SETBP1: variants seen among roughly 807,000 people sequenced by gnomAD.
SETBP1 encodes the protein SET-binding protein.
A neutral mutation model predicts 101.0 loss-of-function variants in SETBP1; 9 were observed. That is an observed-to-expected ratio of 0.09 (90% CI 0.05 to 0.16). The LOEUF (loss-of-function observed/expected upper bound fraction) is 0.16. Among genes scored for constraint, SETBP1 ranks in the 10% least tolerant of loss-of-function variants. The pLI is 1.00. For synonymous variants in SETBP1, 818 were observed against 788.5 expected (o/e 1.04, Z -0.63); for missense variants, 1,858 against 2,033.8 (o/e 0.91, Z 1.66).
At chr18:44,768,879 A>C (rs2047438114) in intron 2 of SETBP1, among the ~76,000 whole-genome samples, 1 of 152,220 alleles carries the variant, frequency 6.6e-6, no homozygotes, top group African/African-American at 2.4e-5. Context: ...GTATACCCAC[A>C]GTGGGTGATA....
intron 4 of SETBP1, among the ~76,000 whole-genome samples, chr18:44,955,560 A>C (rs544531007): frequency 2.4e-4 from 37 of 152,292 alleles, no homozygotes; most frequent in African/African-American, 8.9e-4. Flanking sequence ...CCCTTTGTGC[A>C]ATGTTATTAG....
chr18:44,941,650 G>T (rs1255618394), intron 3 of SETBP1, among the ~76,000 whole-genome samples: 2 of 151,628 alleles, frequency 1.3e-5, no homozygotes, highest in African/African-American at 4.8e-5. Context: ...ATTAATTCTT[G>T]TTATTATTTT....
chr18:44,979,850 T>A (rs2072072280), intron 4 of SETBP1, among the ~76,000 whole-genome samples: 1 of 152,236 alleles, frequency 6.6e-6, no homozygotes, highest in Non-Finnish European at 1.5e-5. Context: ...CATGTGACTG[T>A]CTTGGTTCTT....
chr18:44,880,625 G>A (rs967562449), intron 3 of SETBP1, among the ~76,000 whole-genome samples: 1 of 152,186 alleles, frequency 6.6e-6, no homozygotes, highest in Non-Finnish European at 1.5e-5. Context: ...GGCATCTGGG[G>A]AGGCCTCAGG....
At chr18:45,033,830 A>C (rs1424552497) in intron 4 of SETBP1, among the ~76,000 whole-genome samples, 1 of 152,228 alleles carries the variant, frequency 6.6e-6, no homozygotes, top group East Asian at 1.9e-4. Flanking sequence ...GAATCAGAGA[A>C]TCTAGATCAT....
intron 4 of SETBP1, among the ~76,000 whole-genome samples, chr18:44,978,196 G>C (rs565460964): frequency 6.6e-6 from 1 of 152,266 alleles, no homozygotes; most frequent in African/African-American, 2.4e-5. Context: ...TAAAACACTA[G>C]GACAGGCCCA....
intron 2 of SETBP1, among the ~76,000 whole-genome samples, chr18:44,781,642 T>C (rs1179824274): frequency 6.6e-6 from 1 of 152,046 alleles, no homozygotes; most frequent in Non-Finnish European, 1.5e-5. Context: ...AATGAAGAAA[T>C]GTGTAATCCC....
intron 3 of SETBP1, among the ~76,000 whole-genome samples, chr18:44,875,813 C>A (rs1010607094): frequency 6.6e-6 from 1 of 152,182 alleles, no homozygotes; most frequent in Admixed American, 6.5e-5. Flanking sequence ...GTTAAGGTCA[C>A]CAAGCCCATA....
intron 2 of SETBP1, among the ~76,000 whole-genome samples, chr18:44,731,380 A>C (rs987851182): frequency 2.6e-5 from 4 of 152,156 alleles, no homozygotes; most frequent in Non-Finnish European, 5.9e-5. Context: ...AACTGACAGA[A>C]AACAGGGTCC....
intron 2 of SETBP1, among the ~76,000 whole-genome samples, chr18:44,816,869 G>T (rs2071990063): frequency 6.6e-6 from 1 of 152,134 alleles, no homozygotes; most frequent in South Asian, 2.1e-4. Flanking sequence ...GCCTTTTCCT[G>T]ACCCAGGATA....
At chr18:44,680,273 G>A (rs1296039366), upstream of SETBP1, 1 of 149,418 alleles carries the variant, frequency 6.7e-6, no homozygotes, top group East Asian at 2.0e-4. Flanking sequence ...GCGGCTCGCC[G>A]TTTGACAGAT....
At chr18:44,981,255 ATC>A (rs1290859001) in intron 4 of SETBP1, among the ~76,000 whole-genome samples, 1 of 152,154 alleles carries the variant, frequency 6.6e-6, no homozygotes, top group Non-Finnish European at 1.5e-5. Flanking sequence ...TCTCACCGTA[ATC>A]TCTCAGGTTC....
chr18:44,777,001 T>C (rs533890660), intron 2 of SETBP1, among the ~76,000 whole-genome samples: 2 of 152,232 alleles, frequency 1.3e-5, no homozygotes, highest in South Asian at 4.1e-4. Context: ...AGAGATGCTT[T>C]AGAGGCCAAA....
At chr18:44,759,048 A>G (rs769656061) in intron 2 of SETBP1, among the ~76,000 whole-genome samples, 8 of 152,170 alleles carry the variant, frequency 5.3e-5, no homozygotes, top group Non-Finnish European at 1.0e-4. Flanking sequence ...GAAAATCTAA[A>G]TGTGGGCTCT....
At chr18:45,010,399 A>G (rs2072814423) in intron 4 of SETBP1, among the ~76,000 whole-genome samples, 1 of 152,228 alleles carries the variant, frequency 6.6e-6, no homozygotes, top group Non-Finnish European at 1.5e-5. Flanking sequence ...TTTGTAAATT[A>G]CATATGTGCA....
chr18:44,999,539 T>C (rs1382219689), intron 4 of SETBP1, among the ~76,000 whole-genome samples: 1 of 152,200 alleles, frequency 6.6e-6, no homozygotes, highest in East Asian at 1.9e-4. Flanking sequence ...AGTACATCCA[T>C]GTCACTGGCA....
Position 45,018,793 on chromosome 18 carries a change from G to A in SETBP1, c.4001-19692G>A, listed in dbSNP as rs551291536. ...ATTCTATGAATTCGAAATGTCATGT[G>A]GCTAAGTATTAAACTGATTACGAGC... On this transcript the variant is annotated intron_variant, in intron 4 of 5. Transcript: ENST00000649279. Among the ~76,000 whole-genome samples, 5 of 152,296 alleles carry A rather than the reference G, an allele frequency of 3.3e-5. No individual in the cohort carries two copies. The South Asian group carries it at 8.3e-4, about 25-fold the overall frequency.
chr18:44,705,109 A>T (rs139217122), intron 2 of SETBP1, among the ~76,000 whole-genome samples: 1 of 152,364 alleles, frequency 6.6e-6, no homozygotes, highest in East Asian at 1.9e-4. Context: ...CTGTGGGCCA[A>T]ATCCAGCCTC....
intron 3 of SETBP1, among the ~76,000 whole-genome samples, chr18:44,880,595 C>T (rs941970750): frequency 1.2e-4 from 19 of 152,052 alleles, no homozygotes; most frequent in Admixed American, 1.2e-3. Context: ...ATTCAGGAAG[C>T]GTGGTGCTGG....
Sources: allele counts gnomAD v4.1 joint callset (sites outside exome capture counted in the v4.1 genomes callset), GRCh38; gene constraint gnomAD v4.1.1; transcripts MANE v1.5; gene names NCBI Gene and HGNC (gene_info 2026-07-23, HGNC 2026-07-21).